The following IL3RA variants were observed in gnomAD, a reference collection of about 807,000 sequenced individuals.
IL3RA encodes the protein interleukin 3 receptor subunit alpha, also known as interleukin-3 receptor subunit alpha.
In IL3RA, 73 loss-of-function variants were observed where a neutral mutation model predicts 52.3. The observed-to-expected ratio is 1.40, with a 90% confidence interval of 1.16 to 1.70. The LOEUF (loss-of-function observed/expected upper bound fraction) is 1.70. IL3RA is among the 40% of genes most tolerant of loss of function. The pLI, the probability that IL3RA is intolerant of heterozygous loss-of-function variation, is 0.00. For missense variants in IL3RA, 664 were observed against 504.4 expected (o/e 1.32, Z -3.03); for synonymous variants, 260 against 194.0 (o/e 1.34, Z -2.83).
At chrX:1,354,370 A>G in intron 6 of IL3RA, among the ~76,000 whole-genome samples, 1 of 151,978 alleles carries the variant, frequency 6.6e-6, no homozygotes, top group East Asian at 1.9e-4. Context: ...CAATATGCCC[A>G]GAGCTGACGT....
intron 4 of IL3RA, among the ~76,000 whole-genome samples, chrX:1,351,222 C>A (rs775275285): frequency 1.9e-4 from 29 of 152,176 alleles, no homozygotes; most frequent in African/African-American, 7.0e-4. Flanking sequence ...ATAAATAAAT[C>A]ATTAAAAGAA....
intron 3 of IL3RA, among the ~76,000 whole-genome samples, chrX:1,346,895 C>T (rs769005248): frequency 4.6e-5 from 7 of 151,362 alleles, no homozygotes; most frequent in Admixed American, 2.6e-4. Context: ...TCTGCTCGGG[C>T]CACCATTATA....
At chrX:1,365,868 C>A (rs1455936669) in intron 9 of IL3RA, among the ~76,000 whole-genome samples, 2 of 21,728 alleles carry the variant, frequency 9.2e-5, no homozygotes, top group Non-Finnish European at 1.4e-4. Context: ...GAGCGGGGTG[C>A]GCGGGGTGAG....
chrX:1,339,008 A>G (rs1490642907), intron 1 of IL3RA, among the ~76,000 whole-genome samples: 1 of 152,026 alleles, frequency 6.6e-6, no homozygotes. Flanking sequence ...TTAGTAGAGT[A>G]GTAGAGATTT....
At chrX:1,377,269 TCTCA>T (rs1226733178) in intron 9 of IL3RA, among the ~76,000 whole-genome samples, 1 of 152,036 alleles carries the variant, frequency 6.6e-6, no homozygotes. Flanking sequence ...TGAGATGGAG[TCTCA>T]CTCTGTCGCC....
intron 6 of IL3RA, among the ~76,000 whole-genome samples, chrX:1,354,206 C>A (rs1394666727): frequency 2.6e-5 from 4 of 152,110 alleles, no homozygotes; most frequent in Non-Finnish European, 5.9e-5. Context: ...ACCCTCATAA[C>A]TTCAGCCCAC....
Position 1,348,670 on chromosome X carries a change from CTTTCTTTCTTTCTTTCTTTCTT to C in IL3RA, c.298+139_298+160del, listed in dbSNP as rs1569520702. The C allele has an allele frequency of 1.6e-4, 75 of 460,314 alleles. 3 individuals are homozygous for C. The highest frequency in any genetic ancestry group is 9.1e-4 in the African/African-American group (19 of 20,854). 28.5% of individuals were successfully genotyped at this position (460,314 alleles called of 1,614,324 possible). ...TCTTTCTTTCTTTCTTTCTTTCTTT[CTTTCTTTCTTTCTTTCTTTCTT>C]TTTCTTTCTTTCTGTTTCTGTTTCT... On this transcript the variant is annotated intron_variant, in intron 4 of 11. Transcript: ENST00000331035.
chrX:1,338,157 C>A (rs2085374207), intron 1 of IL3RA, among the ~76,000 whole-genome samples: 1 of 137,108 alleles, frequency 7.3e-6, no homozygotes. Flanking sequence ...TAATGTCCAT[C>A]CACACAGTGG....
At chrX:1,366,584 A>C (rs868121601) in intron 9 of IL3RA, among the ~76,000 whole-genome samples, 372 of 20,238 alleles carry the variant, frequency 0.018, 2 homozygotes, top group African/African-American at 0.083. Context: ...GAGCGGGGTG[A>C]GCGGGGTGCG....
intron 9 of IL3RA, among the ~76,000 whole-genome samples, chrX:1,377,795 G>A (rs1289799399): frequency 1.3e-5 from 2 of 148,760 alleles, no homozygotes; most frequent in Non-Finnish European, 3.0e-5. Context: ...TAAGAGAGGA[G>A]AATCGTTTGA....
chrX:1,341,383 ACAC>A (rs2085485475), intron 1 of IL3RA, among the ~76,000 whole-genome samples: 1 of 1,512 alleles, frequency 6.6e-4, no homozygotes, highest in African/African-American at 9.2e-4. Context: ...ACGTGCAAGC[ACAC>A]ACACACACAG....
chrX:1,378,791 G>A (rs375120966), intron 10 of IL3RA, 27 bp downstream of exon 10: 15 of 1,590,636 alleles, frequency 9.4e-6, no homozygotes, highest in African/African-American at 9.4e-5. Context: ...GTCCGCGAGC[G>A]TCGCTTGTTT....
At position 1,341,743 on chromosome X, in the gene IL3RA, T is replaced by C. The variant is rs377383055; in HGVS notation, c.-23T>C. ...TCTCCTGCAGCAGGCACCTCTGTCCTGCGTTCCGGAGCTGCGTTCCCGATG... is the reference window on the plus strand; with the variant it reads ...TCTCCTGCAGCAGGCACCTCTGTCCCGCGTTCCGGAGCTGCGTTCCCGATG... On this transcript the variant is annotated 5_prime_UTR_variant, in exon 2 of 12. Coordinates refer to ENST00000331035, the MANE Select transcript of IL3RA (RefSeq NM_002183.4). The C allele has an allele frequency of 5.6e-6, 9 of 1,613,554 alleles. No homozygotes were observed. The highest frequency in any genetic ancestry group is 1.7e-4 in the Middle Eastern group (1 of 5,920).
At chrX:1,365,844 G>C (rs1233635148) in intron 9 of IL3RA, among the ~76,000 whole-genome samples, 5 of 26,718 alleles carry the variant, frequency 1.9e-4, no homozygotes, top group South Asian at 1.5e-3. Context: ...CCGGGTGCGC[G>C]GGGTGAGCGG....
intron 1 of IL3RA, among the ~76,000 whole-genome samples, chrX:1,338,370 GATGA>G (rs2085379755): frequency 1.3e-5 from 2 of 150,734 alleles, no homozygotes. Flanking sequence ...CCCATCTATA[GATGA>G]ATGGAGAAAT....
rs370115582 is a variant in IL3RA, at chrX:1,378,774, C to T, written c.980+10C>T. ...TCGTGATCTGCAGAAGGTGAGCCCT[C>T]GAGGGCGTCCGCGAGCGTCGCTTGT... is the stretch of plus-strand genomic sequence containing the variant. On this transcript the variant is annotated intron_variant, in intron 10 of 11. Transcript: ENST00000331035. 52 of 1,609,716 alleles carry T rather than the reference C, an allele frequency of 3.2e-5. No homozygotes were observed. The highest frequency in any genetic ancestry group is 3.1e-4 in the East Asian group (14 of 44,860).
chrX:1,352,649 C>T (rs17883192), intron 6 of IL3RA, 143 bp downstream of exon 6: 6 of 850,596 alleles, frequency 7.1e-6, no homozygotes, highest in South Asian at 1.8e-5. Flanking sequence ...TGGAGGTCAG[C>T]GTGCTGGCTG....
chrX:1,339,552 G>A (rs1320238949), intron 1 of IL3RA, among the ~76,000 whole-genome samples: 4 of 152,132 alleles, frequency 2.6e-5, no homozygotes, highest in Non-Finnish European at 5.9e-5. Context: ...CCAGCACTTT[G>A]GGAGGCCAAG....
chrX:1,368,055 C>G (rs1197575492), intron 9 of IL3RA, among the ~76,000 whole-genome samples: 12 of 152,030 alleles, frequency 7.9e-5, no homozygotes, highest in South Asian at 6.2e-4. Flanking sequence ...GTCAGGAGAT[C>G]GAGACCATCC....
Sources: gnomAD v4.1 joint callset for allele counts (sites outside exome capture counted in the v4.1 genomes callset) on GRCh38, gnomAD v4.1.1 for gene constraint, MANE v1.5 for transcripts, NCBI Gene and HGNC (gene_info 2026-07-23, HGNC 2026-07-21) for gene names.